Variants in CAPN13 observed in about 807,000 individuals in gnomAD.
The protein encoded by CAPN13 is calpain 13.
Under a neutral mutation model 98.4 loss-of-function variants are expected in CAPN13, and 90 were observed. The observed-to-expected ratio is 0.92, with a 90% CI of 0.77 to 1.09. The LOEUF is 1.09. CAPN13 is among the 50% of genes least tolerant of loss of function. CAPN13 has a pLI of 0.00. For missense variants in CAPN13, 887 were observed against 841.3 expected, an observed-to-expected ratio of 1.05 and a Z score of -0.67; for synonymous variants, 330 against 305.5, an observed-to-expected ratio of 1.08 and a Z score of -0.84.
rs780328724 is a variant in CAPN13, at chr2:30,751,235, A to T, written c.1104T>A (p.Asp368Glu). 1.2e-6 allele frequency: 2 copies of T among 1,613,916 alleles called. No individual in the cohort carries two copies. The highest frequency in any genetic ancestry group is 2.2e-5 in the East Asian group (1 of 44,884). The change falls in exon 11 of 23, where the codon GAT becomes GAA. Residue 368 changes from aspartate (D) to glutamate (E), a missense_variant. Coordinates refer to ENST00000295055, the MANE Select transcript of CAPN13 (RefSeq NM_144575.3). ...LGNTAGGPRN[D>E]AQFNFSVQEP... ...CTTGCACAGAGAAGTTGAATTGAGC[A>T]TCATTCCGAGGTCCTCCTGCATCAG...
At chr2:30,761,977 C>T (rs1672872436) in intron 7 of CAPN13, among the ~76,000 whole-genome samples, 1 of 152,138 alleles carries the variant, frequency 6.6e-6, no homozygotes, top group African/African-American at 2.4e-5. Flanking sequence ...AAATTATGTG[C>T]CCTAGAGTTT....
intron 7 of CAPN13, among the ~76,000 whole-genome samples, chr2:30,760,358 C>A (rs1334021665): frequency 6.6e-6 from 1 of 152,190 alleles, no homozygotes; most frequent in Non-Finnish European, 1.5e-5. Flanking sequence ...AGCAGGGACA[C>A]AAGCAATGGT....
intron 2 of CAPN13, among the ~76,000 whole-genome samples, chr2:30,785,924 C>T (rs1674251689): frequency 6.6e-6 from 1 of 152,090 alleles, no homozygotes; most frequent in African/African-American, 2.4e-5. Flanking sequence ...ATAAGAGGAC[C>T]CTAGAATGCT....
intron 5 of CAPN13, among the ~76,000 whole-genome samples, chr2:30,769,527 A>AC (rs1369582944): frequency 1.3e-5 from 2 of 151,914 alleles, no homozygotes; most frequent in Non-Finnish European, 2.9e-5. Flanking sequence ...CACACGTGCA[A>AC]CCCCCCATCC....
chr2:30,777,564 T>C lies in CAPN13; in HGVS notation c.271+3A>G, dbSNP rs1479512328. On this transcript the variant is annotated splice_donor_region_variant and intron_variant, in intron 3 of 22. Coordinates refer to ENST00000295055, the MANE Select transcript of CAPN13 (RefSeq NM_144575.3). ...GCACGGAGGGAAGATGTTGCACTCT[T>C]ACCTGCGCCTCCTTGTTGGATGTCA... The C allele has an allele frequency of 1.4e-5, 22 of 1,571,072 alleles. No homozygotes were observed. Among genetic ancestry groups the C allele is most frequent in the Admixed American group, 1.9e-5 (1 of 53,830 alleles).
intron 3 of CAPN13, 110 bp from the exon 4 acceptor site, chr2:30,776,155 G>C: frequency 1.6e-6 from 1 of 622,274 alleles, no homozygotes; most frequent in Admixed American, 3.5e-5. Flanking sequence ...TCTAAATAAT[G>C]CATTTTTTTT....
chr2:30,748,973 C>A (rs1011198917), intron 11 of CAPN13, among the ~76,000 whole-genome samples: 1 of 152,096 alleles, frequency 6.6e-6, no homozygotes, highest in Non-Finnish European at 1.5e-5. Flanking sequence ...GAAAGGCATG[C>A]ACCTAAGCCC....
intron 5 of CAPN13, among the ~76,000 whole-genome samples, chr2:30,768,884 G>T (rs1353308719): frequency 6.6e-6 from 1 of 152,056 alleles, no homozygotes; most frequent in African/African-American, 2.4e-5. Flanking sequence ...GCAAAAGCTA[G>T]AAAGCTGGAG....
intron 1 of CAPN13, among the ~76,000 whole-genome samples, chr2:30,790,361 C>A (rs529211802): frequency 2.6e-5 from 4 of 152,266 alleles, no homozygotes; most frequent in African/African-American, 9.6e-5. Context: ...AAAGGCCTAC[C>A]TGATATTCAA....
Position 30,734,650 on chromosome 2 carries a change from G to A in CAPN13, c.1723-126C>T, listed in dbSNP as rs142266754. ...GCACGGTCACAGCACTGAGGACTGG[G>A]AGGACACAGTGGCCACACCTGGTGA... On this transcript the variant is annotated intron_variant, in intron 18 of 22. Coordinates refer to ENST00000295055, the MANE Select transcript of CAPN13 (RefSeq NM_144575.3). 1,188 of 738,016 alleles carry A rather than the reference G, an allele frequency of 1.6e-3. 9 individuals carry two copies. In the African/African-American group the frequency reaches 0.019, roughly 12 times the overall value. The allele number at this position is 738,016 out of a possible 1,614,324, so 45.7% of individuals were successfully genotyped here.
At chr2:30,766,808 A>G (rs1489759724) in intron 5 of CAPN13, among the ~76,000 whole-genome samples, 1 of 152,352 alleles carries the variant, frequency 6.6e-6, no homozygotes, top group East Asian at 1.9e-4. Context: ...TCTCTATTTC[A>G]TGACCTCTGG....
At chr2:30,759,745 A>G (rs1035143067) in intron 7 of CAPN13, among the ~76,000 whole-genome samples, 11 of 152,324 alleles carry the variant, frequency 7.2e-5, no homozygotes, top group African/African-American at 2.2e-4. Context: ...GTGAGTATCT[A>G]AAGTCCGGGC....
chr2:30,805,437 T>C (rs141355009), intron 1 of CAPN13, among the ~76,000 whole-genome samples: 2,464 of 152,248 alleles, frequency 0.016, 31 homozygotes, highest in Middle Eastern at 0.02. Flanking sequence ...AAGTGCTAAG[T>C]AGCACTTAAG....
chr2:30,801,401 G>T (rs1474959553), intron 1 of CAPN13, among the ~76,000 whole-genome samples: 1 of 151,720 alleles, frequency 6.6e-6, no homozygotes, highest in Non-Finnish European at 1.5e-5. Flanking sequence ...GGATCACGAG[G>T]TCAGGAGTTT....
intron 2 of CAPN13, among the ~76,000 whole-genome samples, chr2:30,779,402 G>C (rs996427568): frequency 6.6e-6 from 1 of 152,214 alleles, no homozygotes; most frequent in Admixed American, 6.5e-5. Flanking sequence ...ATCTAATGAC[G>C]ATGCAATCAA....
rs1236525323 is a variant in CAPN13 at position 30,787,451 on chromosome 2, C to A, written c.-32-94G>T. 4.5e-6 allele frequency: 4 copies of A among 896,538 alleles called. No individual in the cohort carries two copies. In the African/African-American group the frequency reaches 5.1e-5, roughly 11 times the overall value. The allele number at this position is 896,538 out of a possible 1,614,324, so 55.5% of individuals were successfully genotyped here. ...CCAGATGGGCACTCTGATATACCAC[C>A]CTTTACAGGGACTGAGACTAAGTCT... On this transcript the variant is annotated intron_variant, in intron 1 of 22. Transcript: ENST00000295055.
chr2:30,760,402 G>A (rs1442764069), intron 7 of CAPN13, among the ~76,000 whole-genome samples: 1 of 152,162 alleles, frequency 6.6e-6, no homozygotes, highest in Admixed American at 6.5e-5. Context: ...ATGAGCCACC[G>A]TCAGTGCCTC....
chr2:30,794,170 A>C (rs753213362), intron 1 of CAPN13, among the ~76,000 whole-genome samples: 2 of 151,814 alleles, frequency 1.3e-5, no homozygotes, highest in African/African-American at 2.4e-5. Context: ...AAAGGACTTG[A>C]ATCCACAACA....
At position 30,742,054 on chromosome 2, in the gene CAPN13, A is replaced by G. The variant is rs185587336; in HGVS notation, c.1480-90T>C. The G allele has an allele frequency of 1.9e-4, 235 of 1,227,010 alleles. 1 individual carries two copies. Among genetic ancestry groups the G allele is most frequent in the Non-Finnish European group, 2.6e-4 (220 of 840,916 alleles). 76.0% of individuals were successfully genotyped at this position (1,227,010 alleles called of 1,614,324 possible). A position where few individuals can be genotyped will look rare whatever the true frequency, so the allele number is the denominator to read the frequency against. The stretch of plus-strand genomic sequence containing the variant: ...CAAGGGTGCAACAACCCCTGCCAAG[A>G]TCTGAGAAAGAGTCTTTATTGGGCA... On this transcript the variant is annotated intron_variant, in intron 14 of 22. Transcript: ENST00000295055.
Sources: allele counts gnomAD v4.1 joint callset (sites outside exome capture counted in the v4.1 genomes callset), GRCh38; gene constraint gnomAD v4.1.1; transcripts MANE v1.5; gene names NCBI Gene and HGNC (gene_info 2026-07-23, HGNC 2026-07-21).